Variants in EPM2A observed in about 807,000 individuals in gnomAD.
EPM2A encodes EPM2A glucan phosphatase, laforin.
In EPM2A, 21 loss-of-function variants were observed where a neutral mutation model predicts 26.5. The observed-to-expected ratio is 0.79, with a 90% confidence interval of 0.56 to 1.14. The LOEUF is 1.14. Among genes scored for constraint, EPM2A ranks in the 50% most tolerant of loss-of-function variants. The pLI, the probability that EPM2A is intolerant of heterozygous loss-of-function variation, is 0.00. For missense variants in EPM2A, 458 were observed against 440.8 expected (o/e 1.04, Z -0.35); for synonymous variants, 217 against 177.6 (o/e 1.22, Z -1.76).
At chr6:145,596,077 A>T (rs898734484) in intron 2 of EPM2A, among the ~76,000 whole-genome samples, 5 of 152,240 alleles carry the variant, frequency 3.3e-5, no homozygotes, top group Non-Finnish European at 7.4e-5. Context: ...TTAAAAGTCA[A>T]GGAAGTATGT....
chr6:145,486,299 T>G (rs970716093), intron 4 of EPM2A, among the ~76,000 whole-genome samples: 2 of 152,116 alleles, frequency 1.3e-5, no homozygotes, highest in African/African-American at 4.8e-5. Flanking sequence ...CTCTAAACAT[T>G]ATCTTTTTAT....
intron 4 of EPM2A, among the ~76,000 whole-genome samples, chr6:145,457,481 CA>C (rs11325982): frequency 0.22 from 22,838 of 105,340 alleles, 1,927 homozygotes; most frequent in African/African-American, 0.34. Context: ...GACTCTGTCT[CA>C]AAAAAAAAAA....
chr6:145,715,439 G>A (rs892951659), intron 1 of EPM2A, among the ~76,000 whole-genome samples: 1 of 152,136 alleles, frequency 6.6e-6, no homozygotes, highest in Non-Finnish European at 1.5e-5. Context: ...AGGGGCCCTG[G>A]TAGGAAGTGA....
chr6:145,701,698 G>A (rs1288269967), intron 1 of EPM2A, among the ~76,000 whole-genome samples: 1 of 152,178 alleles, frequency 6.6e-6, no homozygotes, highest in Non-Finnish European at 1.5e-5. Flanking sequence ...AAATAATGGT[G>A]ATAGTGATGC....
intron 1 of EPM2A, among the ~76,000 whole-genome samples, chr6:145,689,878 C>A (rs1251557734): frequency 6.6e-6 from 1 of 152,198 alleles, no homozygotes; most frequent in Non-Finnish European, 1.5e-5. Context: ...GAAAGGTGGA[C>A]TTCCACCTCC....
chr6:145,557,464 T>A (rs993397676), intron 2 of EPM2A, among the ~76,000 whole-genome samples: 3 of 151,916 alleles, frequency 2.0e-5, no homozygotes. Flanking sequence ...GAAAAGATAA[T>A]AGGAAACAGA....
chr6:145,698,776 C>A (rs878896099), intron 1 of EPM2A, among the ~76,000 whole-genome samples: 1 of 151,962 alleles, frequency 6.6e-6, no homozygotes, highest in East Asian at 1.9e-4. Context: ...AAACATAGGA[C>A]CTTAATTAAG....
intron 2 of EPM2A, among the ~76,000 whole-genome samples, chr6:145,518,549 G>C (rs939411950): frequency 7.6e-6 from 1 of 131,028 alleles, no homozygotes; most frequent in African/African-American, 3.0e-5. Context: ...AATGGAATCA[G>C]AATGGCATTT....
At chr6:145,525,255 A>ATTTT (rs1554247188) in intron 2 of EPM2A, among the ~76,000 whole-genome samples, 1 of 135,160 alleles carries the variant, frequency 7.4e-6, no homozygotes, top group Non-Finnish European at 1.6e-5. Flanking sequence ...TTATTTATTT[A>ATTTT]TTTTTTGCTT....
intron 1 of EPM2A, among the ~76,000 whole-genome samples, chr6:145,695,554 A>G (rs1378708939): frequency 2.0e-5 from 3 of 152,018 alleles, no homozygotes; most frequent in Admixed American, 6.6e-5. Flanking sequence ...CAAAATACTC[A>G]CTTTACTTGT....
chr6:145,585,559 G>A (rs902088597), intron 2 of EPM2A, among the ~76,000 whole-genome samples: 3 of 151,910 alleles, frequency 2.0e-5, no homozygotes, highest in Non-Finnish European at 2.9e-5. Flanking sequence ...GTCTATCTAG[G>A]TTCTTATGTC....
At chr6:145,664,697 C>A (rs1458151080) in intron 2 of EPM2A, among the ~76,000 whole-genome samples, 1 of 152,148 alleles carries the variant, frequency 6.6e-6, no homozygotes, top group Non-Finnish European at 1.5e-5. Context: ...CACCCCAAAT[C>A]GACAGAATAT....
At chr6:145,604,743 T>C in intron 2 of EPM2A, among the ~76,000 whole-genome samples, 1 of 152,090 alleles carries the variant, frequency 6.6e-6, no homozygotes. Flanking sequence ...TTCAAAGAAA[T>C]AGAAGAGAAA....
intron 2 of EPM2A, among the ~76,000 whole-genome samples, chr6:145,601,895 C>T (rs1781421708): frequency 6.6e-6 from 1 of 151,832 alleles, no homozygotes; most frequent in Non-Finnish European, 1.5e-5. Flanking sequence ...GAATACATTA[C>T]AAATACAAAG....
intron 2 of EPM2A, among the ~76,000 whole-genome samples, chr6:145,606,412 T>C (rs2128551115): frequency 6.6e-6 from 1 of 152,000 alleles, no homozygotes; most frequent in East Asian, 1.9e-4. Context: ...ATATTAAATT[T>C]TTATATTTAA....
chr6:145,510,936 A>G (rs1780047044), intron 2 of EPM2A, among the ~76,000 whole-genome samples: 1 of 152,200 alleles, frequency 6.6e-6, no homozygotes, highest in African/African-American at 2.4e-5. Flanking sequence ...ATAGAAATAC[A>G]AAATATATTC....
chr6:145,625,503 G>A lies in EPM2A; in HGVS notation c.*1913C>T. On this transcript the variant is annotated 3_prime_UTR_variant, in exon 4 of 4. Transcript: ENST00000367519. ...TTTGTATCATGGAAATTATGAAGCT[G>A]GATTTCTTAGACATTAAAGAAATTC... 1.8e-6 allele frequency: 1 copy of A among 556,148 alleles called. No individual in the cohort carries two copies. The highest frequency in any genetic ancestry group is 3.2e-6 in the Non-Finnish European group (1 of 312,838). 34.5% of individuals were successfully genotyped at this position (556,148 alleles called of 1,614,324 possible).
At chr6:145,565,883 A>G (rs575959129) in intron 2 of EPM2A, among the ~76,000 whole-genome samples, 48 of 152,314 alleles carry the variant, frequency 3.2e-4, no homozygotes, top group African/African-American at 1.2e-3. Context: ...CCACTGCTGC[A>G]TAAGATATGA....
At chr6:145,466,585 C>T (rs1200030315) in intron 4 of EPM2A, among the ~76,000 whole-genome samples, 7 of 151,976 alleles carry the variant, frequency 4.6e-5, no homozygotes, top group African/African-American at 1.2e-4. Context: ...GTCAGTGTGG[C>T]GATTCCTCAC....
Sources: allele counts gnomAD v4.1 joint callset (sites outside exome capture counted in the v4.1 genomes callset), GRCh38; gene constraint gnomAD v4.1.1; transcripts MANE v1.5; gene names NCBI Gene and HGNC (gene_info 2026-07-23, HGNC 2026-07-21).